The following ITPR1 variants were observed in gnomAD, a reference collection of about 807,000 sequenced individuals.
The protein encoded by ITPR1 is inositol 1,4,5-trisphosphate receptor type 1.
Under a neutral mutation model 318.4 loss-of-function variants are expected in ITPR1, and 96 were observed. The ratio of observed to expected loss-of-function variants is 0.30; its 90% CI spans 0.26 to 0.36. The LOEUF (loss-of-function observed/expected upper bound fraction) is 0.36. Among genes scored for constraint, ITPR1 ranks in the 10% least tolerant of loss-of-function variants. The pLI, the probability that ITPR1 is intolerant of heterozygous loss-of-function variation, is 1.00. For missense variants in ITPR1, 2,440 were observed against 3,460.2 expected (o/e 0.71, Z 7.40); for synonymous variants, 1,312 against 1,289.9 (o/e 1.02, Z -0.37).
chr3:4,721,114 A>G (rs1401069396), intron 40 of ITPR1, among the ~76,000 whole-genome samples: 2 of 147,522 alleles, frequency 1.4e-5, no homozygotes, highest in Non-Finnish European at 3.0e-5. Context: ...AGGGATATAT[A>G]TATATATATA....
chr3:4,566,602 A>ACG (rs1559459244), intron 4 of ITPR1, among the ~76,000 whole-genome samples: 37 of 126,924 alleles, frequency 2.9e-4, no homozygotes, highest in African/African-American at 1.0e-3. Context: ...ATGGGGACAC[A>ACG]TGCACACACA....
chr3:4,829,728 G>C (rs1479553313), intron 60 of ITPR1, among the ~76,000 whole-genome samples: 1 of 151,894 alleles, frequency 6.6e-6, no homozygotes, highest in East Asian at 1.9e-4. Context: ...TCCATCATTT[G>C]CTGCTTACTT....
intron 4 of ITPR1, among the ~76,000 whole-genome samples, chr3:4,581,885 A>G (rs1017781437): frequency 3.3e-5 from 5 of 151,586 alleles, no homozygotes; most frequent in African/African-American, 4.9e-5. Flanking sequence ...TTTCTTTTTT[A>G]TTGCTTAAAA....
intron 4 of ITPR1, among the ~76,000 whole-genome samples, chr3:4,602,927 G>A (rs1205752511): frequency 1.3e-5 from 2 of 151,782 alleles, no homozygotes; most frequent in African/African-American, 2.4e-5. Flanking sequence ...TTCGATAGTG[G>A]TGGTGGTACC....
chr3:4,673,834 G>T (rs879279661), intron 21 of ITPR1, among the ~76,000 whole-genome samples: 3 of 152,088 alleles, frequency 2.0e-5, no homozygotes, highest in Admixed American at 1.3e-4. Flanking sequence ...CGTCCACCTC[G>T]GCCTCCCAAA....
At chr3:4,619,831 C>G (rs1250946408) in intron 4 of ITPR1, among the ~76,000 whole-genome samples, 1 of 139,112 alleles carries the variant, frequency 7.2e-6, no homozygotes, top group Non-Finnish European at 1.6e-5. Flanking sequence ...CCCTCCTCTC[C>G]CCTCTCCCCT....
At position 4,683,603 on chromosome 3, in the gene ITPR1, C is replaced by T. The variant is rs774170656; in HGVS notation, c.3328-25C>T. 5.0e-6 allele frequency: 8 copies of T among 1,614,050 alleles called. No homozygotes were observed. In the South Asian group the frequency reaches 8.8e-5, roughly 18 times the overall value. ...TGTCTGTCCAAGAAGCTGTTGTGTG[C>T]ACCTAACGGATTGCGTTCATTAAGG... On this transcript the variant is annotated intron_variant, in intron 27 of 61. Transcript: ENST00000649015.
chr3:4,688,305 T>C (rs1355437783), intron 30 of ITPR1, among the ~76,000 whole-genome samples, 190 bp from the exon 31 acceptor site: 1 of 152,182 alleles, frequency 6.6e-6, no homozygotes, highest in East Asian at 1.9e-4. Flanking sequence ...AGATCTTCAC[T>C]TTCATCCAAT....
intron 44 of ITPR1, among the ~76,000 whole-genome samples, chr3:4,756,277 C>T (rs974407207): frequency 1.3e-5 from 2 of 152,106 alleles, no homozygotes; most frequent in East Asian, 1.9e-4. Context: ...TATCTCTGCA[C>T]GTGCAGAAAT....
At chr3:4,532,253 A>G (rs771609843) in intron 4 of ITPR1, among the ~76,000 whole-genome samples, 4 of 152,346 alleles carry the variant, frequency 2.6e-5, no homozygotes, top group Non-Finnish European at 2.9e-5. Context: ...CCTCTAAGGC[A>G]TTGCTTCTGA....
intron 4 of ITPR1, among the ~76,000 whole-genome samples, chr3:4,523,579 A>G (rs7650986): frequency 0.11 from 16,776 of 152,028 alleles, 977 homozygotes; most frequent in Middle Eastern, 0.15. Flanking sequence ...CAACCTCTCA[A>G]TCCTCCACCC....
At position 4,780,814 on chromosome 3, in the gene ITPR1, A is replaced by T. The variant is rs538385844; in HGVS notation, c.6387+1169A>T. On this transcript the variant is annotated intron_variant, in intron 49 of 61. Transcript: ENST00000649015. ...GTCATTCTTGAGCAGGGATGGAATG[A>T]CTATGCAGGGACCCCATTCGGCTTC... is the stretch of plus-strand genomic sequence containing the variant. Among the ~76,000 whole-genome samples, 110 of 152,172 alleles carry T rather than the reference A, an allele frequency of 7.2e-4. 1 individual carries two copies. The highest frequency in any genetic ancestry group is 4.7e-4 in the Non-Finnish European group (32 of 68,030).
chr3:4,498,809 C>T (rs148508233), intron 2 of ITPR1, among the ~76,000 whole-genome samples: 30 of 152,250 alleles, frequency 2.0e-4, no homozygotes, highest in African/African-American at 6.5e-4. Flanking sequence ...CAACACAAAC[C>T]TATGTCTTAC....
chr3:4,628,050 C>G (rs1195156898), intron 5 of ITPR1, among the ~76,000 whole-genome samples, 172 bp downstream of exon 5: 3 of 152,284 alleles, frequency 2.0e-5, no homozygotes, highest in Non-Finnish European at 4.4e-5. Context: ...GGGATAGATC[C>G]TAGTCATCTT....
intron 55 of ITPR1, 59 bp downstream of exon 55, chr3:4,806,326 CCT>C: frequency 6.8e-7 from 1 of 1,476,942 alleles, no homozygotes; most frequent in Non-Finnish European, 9.5e-7. Context: ...TGTCCTATGT[CCT>C]CTCTCTCATC....
chr3:4,667,280 A>C (rs867191717), intron 17 of ITPR1, 97 bp from the exon 18 acceptor site: 1 of 891,900 alleles, frequency 1.1e-6, no homozygotes, highest in Admixed American at 2.8e-5. Flanking sequence ...TAGGGGCAGT[A>C]GTTCTCATCA....
intron 4 of ITPR1, among the ~76,000 whole-genome samples, chr3:4,538,290 T>A (rs1378354600): frequency 2.0e-5 from 3 of 152,002 alleles, no homozygotes; most frequent in Non-Finnish European, 4.4e-5. Context: ...AAGAAACATA[T>A]GAAAAAAGCT....
chr3:4,838,656 T>C (rs1193671711), intron 61 of ITPR1, among the ~76,000 whole-genome samples: 1 of 152,200 alleles, frequency 6.6e-6, no homozygotes, highest in African/African-American at 2.4e-5. Context: ...TTCACACCCG[T>C]GGTACTGGAA....
chr3:4,702,374 CAT>C (rs1462840518), intron 35 of ITPR1, among the ~76,000 whole-genome samples: 1 of 152,188 alleles, frequency 6.6e-6, no homozygotes, highest in Non-Finnish European at 1.5e-5. Flanking sequence ...TGATTAAAGA[CAT>C]GGGTTCTACT....
Sources: allele counts gnomAD v4.1 joint callset (sites outside exome capture counted in the v4.1 genomes callset), GRCh38; gene constraint gnomAD v4.1.1; transcripts MANE v1.5; gene names NCBI Gene and HGNC (gene_info 2026-07-23, HGNC 2026-07-21).